Variants in FKBP15 observed in about 807,000 individuals in gnomAD.
FKBP15 encodes the protein FK506-binding protein 15.
Under a neutral mutation model 158.1 loss-of-function variants are expected in FKBP15, and 106 were observed. The ratio of observed to expected loss-of-function variants is 0.67; its 90% CI spans 0.57 to 0.79. The LOEUF is 0.79. Ranked by LOEUF, FKBP15 falls within the 30% of genes least tolerant of loss-of-function variation. FKBP15 has a pLI of 0.00. For missense variants in FKBP15, 1,287 were observed against 1,479.1 expected (o/e 0.87, Z 2.13); for synonymous variants, 547 against 548.6 (o/e 1.00, Z 0.04).
rs780130196 is a variant in FKBP15 at position 113,168,484 on chromosome 9, A to C, written c.3558T>G (p.Pro1186=). ...TLKALRPKAQ[P]EEEDEDEVSM... is the part of the protein sequence containing the mutation. ...CCACCTCGTCTTCATCCTCCTCCTC[A>C]GGCTGTGCTTTGGGCCTCAGAGCTT... Residue 1186 remains proline (P), a synonymous_variant, in exon 27 of 28, where the codon CCT becomes CCG. Transcript: ENST00000238256. The C allele has an allele frequency of 1.2e-6, 2 of 1,613,950 alleles. No individual in the cohort carries two copies. The highest frequency in any genetic ancestry group is 1.7e-6 in the Non-Finnish European group (2 of 1,179,844).
intron 1 of FKBP15, among the ~76,000 whole-genome samples, chr9:113,217,711 T>C (rs1030144037): frequency 1.3e-5 from 2 of 151,928 alleles, no homozygotes; most frequent in Admixed American, 6.6e-5. Context: ...CGTGGTGGCA[T>C]GCGCCTGTAA....
In FKBP15 at chr9:113,184,763, G is replaced by A; in HGVS notation, c.1540C>T (p.Gln514Ter). 1 of 1,607,044 alleles carries A rather than the reference G, an allele frequency of 6.2e-7. No individual in the cohort carries two copies. Among genetic ancestry groups the A allele is most frequent in the South Asian group, 1.1e-5 (1 of 89,548 alleles). ...GCCATTCGAATTTCAGTGTTATGTT[G>A]CCGGGCTTCAGTCATGAGAAATGAA... ...MASFLMTEAR[Q>*]HNTEIRMAVS... The change falls in exon 16 of 28, where the codon CAA becomes TAA. Residue 514 changes from glutamine (Q) to a stop codon, truncating the protein, a stop_gained. Coordinates refer to ENST00000238256, the MANE Select transcript of FKBP15 (RefSeq NM_015258.2). LOFTEE classifies it high-confidence loss of function. The surrounding 1 kb of genome is among the most constrained non-coding windows in gnomAD (Gnocchi z 4.5).
rs1830448126 is a variant in FKBP15, at chr9:113,184,239, G to T, written c.1716+53C>A. ...TGTTAAAGAGTAGTACCTCTGAGAA[G>T]AGAGGATGGGTAAGACCTTCAGCCT... is the stretch of plus-strand genomic sequence containing the variant. On this transcript the variant is annotated intron_variant, in intron 17 of 27. Transcript: ENST00000238256. The surrounding 1 kb of genome is among the most constrained non-coding windows in gnomAD (Gnocchi z 4.5). 15 of 1,253,308 alleles carry T rather than the reference G, an allele frequency of 1.2e-5. 1 individual carries two copies. The South Asian group carries it at 1.9e-4, about 16-fold the overall frequency. 77.6% of individuals were successfully genotyped at this position (1,253,308 alleles called of 1,614,324 possible). A position where few individuals can be genotyped will look rare whatever the true frequency, so the allele number is the denominator to read the frequency against.
chr9:113,161,943 T>C lies in FKBP15; in HGVS notation c.*4135A>G. The stretch of plus-strand genomic sequence containing the variant: ...TCAGAAGGCTTTCTTTAGGGAACAG[T>C]GATCTTCAGGTGCAGGCCCCTATCT... On this transcript the variant is annotated 3_prime_UTR_variant, in exon 28 of 28. Transcript: ENST00000238256. 1 of 610,326 alleles carries C rather than the reference T, an allele frequency of 1.6e-6. No individual in the cohort carries two copies. Among genetic ancestry groups the C allele is most frequent in the Non-Finnish European group, 3.0e-6 (1 of 338,704 alleles). The allele number at this position is 610,326 out of a possible 1,614,324, so 37.8% of individuals were successfully genotyped here. A position where few individuals can be genotyped will look rare whatever the true frequency, so the allele number is the denominator to read the frequency against.
At chr9:113,219,441 G>T (rs3810914) in intron 1 of FKBP15, among the ~76,000 whole-genome samples, 51,032 of 152,104 alleles carry the variant, frequency 0.34, 8,723 homozygotes, top group African/African-American at 0.39. Context: ...TCAGAGAATT[G>T]TGGTGAAACT....
chr9:113,196,317 A>C (rs7038133), intron 9 of FKBP15, among the ~76,000 whole-genome samples: 11 of 151,732 alleles, frequency 7.2e-5, no homozygotes, highest in Admixed American at 5.2e-4. Flanking sequence ...AAGTAAAAAG[A>C]ATATACACTG....
At chr9:113,207,703 T>C (rs10981686) in intron 2 of FKBP15, among the ~76,000 whole-genome samples, 50,602 of 151,970 alleles carry the variant, frequency 0.33, 8,676 homozygotes, top group African/African-American at 0.38. Flanking sequence ...GTCAGTGTTG[T>C]AATGCTTTTA....
intron 11 of FKBP15, among the ~76,000 whole-genome samples, chr9:113,191,147 G>T (rs1045851510): frequency 6.6e-6 from 1 of 151,952 alleles, no homozygotes; most frequent in Non-Finnish European, 1.5e-5. Flanking sequence ...GGGTATAGAA[G>T]GAAATGATCA....
rs1278407448 is a variant in FKBP15 at position 113,169,767 on chromosome 9, A to G, written c.2942T>C (p.Met981Thr). 2 of 1,606,298 alleles carry G rather than the reference A, an allele frequency of 1.2e-6. No individual in the cohort carries two copies. The highest frequency in any genetic ancestry group is 1.3e-5 in the African/African-American group (1 of 74,818). ...CTCGACCACCTGCTCTGAGGGCACCATGGGGGACTCTGGCCTCTCCCTATT... is the reference window on the plus strand; with the variant it reads ...CTCGACCACCTGCTCTGAGGGCACCGTGGGGGACTCTGGCCTCTCCCTATT... ...PLNRERPESP[M>T]VPSEQVVEEA... Residue 981 changes from methionine to threonine, a missense_variant, in exon 26 of 28, where the codon ATG (methionine) becomes ACG (threonine). By Grantham distance (81) the Met-to-Thr change is moderately conservative. Transcript: ENST00000238256.
intron 9 of FKBP15, among the ~76,000 whole-genome samples, chr9:113,195,109 G>A (rs1830646670): frequency 2.0e-5 from 3 of 152,244 alleles, no homozygotes; most frequent in South Asian, 4.1e-4. Context: ...TTATTGGAAC[G>A]CTAAGCTTGT....
chr9:113,196,618 C>T (rs142095928), intron 9 of FKBP15, among the ~76,000 whole-genome samples: 1,690 of 152,084 alleles, frequency 0.011, 34 homozygotes, highest in African/African-American at 0.038. Flanking sequence ...CTCCTCACCT[C>T]GTGATCTGCC....
intron 1 of FKBP15, among the ~76,000 whole-genome samples, chr9:113,213,216 C>T (rs1366353253): frequency 3.3e-5 from 5 of 152,106 alleles, no homozygotes; most frequent in Admixed American, 2.6e-4. Context: ...CGAGACCAGC[C>T]TGACCAACAT....
intron 1 of FKBP15, among the ~76,000 whole-genome samples, chr9:113,217,635 A>T (rs1390801586): frequency 2.6e-5 from 4 of 152,164 alleles, no homozygotes; most frequent in African/African-American, 9.7e-5. Context: ...TGAGGCCAGG[A>T]GTTCAAGACT....
At position 113,211,552 on chromosome 9, in the gene FKBP15, CA is replaced by C; in HGVS notation, c.93del (p.Ala32LeufsTer38). ...TGGAAAAATTCATTTCCATGGCCAG[CA>C]GCTGCCTGATCCAGTCCAAAAAGTG... ...LASLFGLDQA[A>X]AGHGNEFFQY... On this transcript the variant is annotated frameshift_variant, in exon 2 of 28. Coordinates refer to ENST00000238256, the MANE Select transcript of FKBP15 (RefSeq NM_015258.2). LOFTEE classifies it high-confidence loss of function. 3 of 1,607,300 alleles carry C rather than the reference CA, an allele frequency of 1.9e-6. No individual in the cohort carries two copies. Among genetic ancestry groups the C allele is most frequent in the Non-Finnish European group, 2.5e-6 (3 of 1,176,866 alleles).
Position 113,211,598 on chromosome 9 carries a change from A to C in FKBP15, c.54-6T>G. The C allele has an allele frequency of 6.3e-7, 1 of 1,577,538 alleles. No individual in the cohort carries two copies. Among genetic ancestry groups the C allele is most frequent in the Non-Finnish European group, 8.6e-7 (1 of 1,159,396 alleles). On this transcript the variant is annotated splice_polypyrimidine_tract_variant and splice_region_variant and intron_variant, in intron 1 of 27. Coordinates refer to ENST00000238256, the MANE Select transcript of FKBP15 (RefSeq NM_015258.2). ...AAAGTGAGGCCAATCTGGCACTGTT[A>C]GTAGAAAATGAAAAATGAAATTTCA...
chr9:113,208,541 C>G (rs1161297645), intron 2 of FKBP15, among the ~76,000 whole-genome samples: 1 of 151,670 alleles, frequency 6.6e-6, no homozygotes, highest in East Asian at 1.9e-4. Flanking sequence ...ACTTTTTTTT[C>G]TGATTATAGA....
Position 113,161,391 on chromosome 9 carries a change from G to A in FKBP15, c.*4687C>T. 2 of 905,650 alleles carry A rather than the reference G, an allele frequency of 2.2e-6. No homozygotes were observed. Among genetic ancestry groups the A allele is most frequent in the Non-Finnish European group, 3.5e-6 (2 of 570,466 alleles). The allele number at this position is 905,650 out of a possible 1,614,324, so 56.1% of individuals were successfully genotyped here. On this transcript the variant is annotated 3_prime_UTR_variant, in exon 28 of 28. Transcript: ENST00000238256. Reference sequence around the variant, plus strand: ...TGAAGAAGTTCGGAACTCAGCAAGGGTGGGGAAGAAGGTGCAGGATAGAGG... The same window carrying A: ...TGAAGAAGTTCGGAACTCAGCAAGGATGGGGAAGAAGGTGCAGGATAGAGG...
intron 23 of FKBP15, 24 bp downstream of exon 23, chr9:113,173,429 G>A: frequency 6.2e-7 from 1 of 1,608,436 alleles, no homozygotes; most frequent in Non-Finnish European, 8.5e-7. Flanking sequence ...TGCCTAAACT[G>A]TCTGACTCAA....
chr9:113,215,742 T>A (rs12343532), intron 1 of FKBP15, among the ~76,000 whole-genome samples: 37,391 of 144,412 alleles, frequency 0.26, 4,956 homozygotes, highest in Admixed American at 0.27. Context: ...CTCCGCCTCC[T>A]GGGTTCAAGC....
Sources: allele counts gnomAD v4.1 joint callset (sites outside exome capture counted in the v4.1 genomes callset), GRCh38; gene constraint gnomAD v4.1.1; non-coding constraint Gnocchi (gnomAD v3.1); transcripts MANE v1.5; gene names NCBI Gene and HGNC (gene_info 2026-07-23, HGNC 2026-07-21).